COL14A1: variants seen among roughly 807,000 people sequenced by gnomAD.
The protein encoded by COL14A1 is collagen alpha-1(XIV) chain.
In COL14A1, 136 loss-of-function variants were observed where a neutral mutation model predicts 230.3. The ratio of observed to expected loss-of-function variants is 0.59; its 90% CI spans 0.51 to 0.68. COL14A1 has a LOEUF of 0.68. Ranked by LOEUF, COL14A1 falls within the 30% of genes least tolerant of loss-of-function variation. The pLI is 0.00. For missense variants in COL14A1, 1,976 were observed against 2,215.8 expected, an observed-to-expected ratio of 0.89 and a Z score of 2.17; for synonymous variants, 792 against 784.1, an observed-to-expected ratio of 1.01 and a Z score of -0.17.
At chr8:120,253,409 C>G (rs1211723726) in intron 22 of COL14A1, among the ~76,000 whole-genome samples, 1 of 152,114 alleles carries the variant, frequency 6.6e-6, no homozygotes, top group African/African-American at 2.4e-5. Flanking sequence ...TTTCTTCTCT[C>G]CCTTAATAAA....
chr8:120,339,716 A>C (rs940166326), intron 42 of COL14A1, among the ~76,000 whole-genome samples: 39 of 151,962 alleles, frequency 2.6e-4, no homozygotes, highest in African/African-American at 9.4e-4. Flanking sequence ...TATATCCAAC[A>C]CTAAGATTCT....
At chr8:120,180,761 G>T (rs1180134252) in intron 5 of COL14A1, among the ~76,000 whole-genome samples, 6 of 139,496 alleles carry the variant, frequency 4.3e-5, no homozygotes, top group Non-Finnish European at 9.0e-5. Flanking sequence ...AGGCTGGCGT[G>T]CAGTGGCACA....
chr8:120,231,473 A>C lies in COL14A1; in HGVS notation c.2204A>C (p.Gln735Pro). The C allele has an allele frequency of 6.2e-7, 1 of 1,612,366 alleles. No homozygotes were observed. Among genetic ancestry groups the C allele is most frequent in the Non-Finnish European group, 8.5e-7 (1 of 1,179,572 alleles). Residue 735 changes from glutamine to proline, a missense_variant, in exon 19 of 48, where the codon CAG becomes CCG. By Grantham distance (76) the Gln-to-Pro change is moderately conservative (BLOSUM62 -1). Around this residue, in one of 3 missense-constraint regions of COL14A1, gnomAD observed 1,791 missense variants for 2,019.5 expected, o/e 0.89. Coordinates refer to ENST00000297848, the MANE Select transcript of COL14A1 (RefSeq NM_021110.4). ...TTGGTTGTGTTTATTCCAGTTTTCCAGACGGGAATCAGAAACCTAGTTGTA... is the reference window on the plus strand; with the variant it reads ...TTGGTTGTGTTTATTCCAGTTTTCCCGACGGGAATCAGAAACCTAGTTGTA... Reference protein sequence around the residue: ...VPTTSVTSVFQTGIRNLVVGD... With the variant: ...VPTTSVTSVFPTGIRNLVVGD...
Position 120,165,167 on chromosome 8 carries a change from G to A in COL14A1, c.349+2598G>A, listed in dbSNP as rs115273569. ...GAATAAAATGAAAATTGCTTGGATA[G>A]CTTTCTTTTCCCTTTTGCATTTCAT... On this transcript the variant is annotated intron_variant, in intron 4 of 47. Coordinates refer to ENST00000297848, the MANE Select transcript of COL14A1 (RefSeq NM_021110.4). 6.1e-3 allele frequency among the ~76,000 whole-genome samples: 936 copies of A among 152,292 alleles called. 14 individuals carry two copies. The highest frequency in any genetic ancestry group is 0.021 in the African/African-American group (859 of 41,562).
chr8:120,283,955 A>G (rs1428671346), intron 32 of COL14A1, among the ~76,000 whole-genome samples, 177 bp downstream of exon 32: 1 of 152,228 alleles, frequency 6.6e-6, no homozygotes, highest in Non-Finnish European at 1.5e-5. Flanking sequence ...TATTCTTTCA[A>G]CAAATATTTC....
chr8:120,187,192 G>A (rs961177117), intron 5 of COL14A1, among the ~76,000 whole-genome samples: 1 of 151,924 alleles, frequency 6.6e-6, no homozygotes, highest in Non-Finnish European at 1.5e-5. Context: ...ACCATAATTG[G>A]GTCTTTAATT....
chr8:120,137,816 C>A (rs1347175646), intron 1 of COL14A1, among the ~76,000 whole-genome samples: 2 of 150,938 alleles, frequency 1.3e-5, no homozygotes, highest in Non-Finnish European at 3.0e-5. Flanking sequence ...TCTGTGTTGC[C>A]CAGTTGTCTC....
Position 120,222,337 on chromosome 8 carries a change from C to T in COL14A1, c.1738-2751C>T, listed in dbSNP as rs554506526. ...ATCCATATTTTCAATTAACCATTGC[C>T]GTGTAACCAACACTACAGCTTAAAA... On this transcript the variant is annotated intron_variant, in intron 14 of 47. Transcript: ENST00000297848. Among the ~76,000 whole-genome samples the T allele has an allele frequency of 2.6e-4, 39 of 152,300 alleles. No individual in the cohort carries two copies. The South Asian group carries it at 3.7e-3, about 15-fold the overall frequency.
intron 19 of COL14A1, 117 bp from the exon 20 acceptor site, chr8:120,243,762 C>G: frequency 8.1e-7 from 1 of 1,238,302 alleles, no homozygotes. Context: ...TTTCTCCTCA[C>G]TCTCAAAGCA....
intron 33 of COL14A1, among the ~76,000 whole-genome samples, chr8:120,287,801 A>G (rs1820250315): frequency 6.6e-6 from 1 of 152,128 alleles, no homozygotes; most frequent in Non-Finnish European, 1.5e-5. Flanking sequence ...ATGCAAATTC[A>G]ATTTGTAGAA....
At chr8:120,191,931 A>G (rs201784605) in intron 5 of COL14A1, among the ~76,000 whole-genome samples, 2 of 151,848 alleles carry the variant, frequency 1.3e-5, no homozygotes, top group East Asian at 3.9e-4. Flanking sequence ...TTTTGAGCCT[A>G]TGTATGTCTC....
At chr8:120,219,675 A>T (rs1200149109) in intron 14 of COL14A1, among the ~76,000 whole-genome samples, 2 of 152,150 alleles carry the variant, frequency 1.3e-5, no homozygotes, top group African/African-American at 4.8e-5. Context: ...CTTCAGGGGG[A>T]CACAACCTTC....
chr8:120,348,175 A>G (rs1283409768), intron 45 of COL14A1, among the ~76,000 whole-genome samples: 1 of 150,194 alleles, frequency 6.7e-6, no homozygotes, highest in Non-Finnish European at 1.5e-5. Context: ...TGGTGTATAT[A>G]TATATATGAA....
rs75752132 is a variant in COL14A1, at chr8:120,255,776, T to C, written c.2869+420T>C. Among the ~76,000 whole-genome samples, 709 of 149,424 alleles carry C rather than the reference T, an allele frequency of 4.7e-3. 7 individuals are homozygous for C. The highest frequency in any genetic ancestry group is 0.016 in the African/African-American group (631 of 40,508). On this transcript the variant is annotated intron_variant, in intron 23 of 47. Transcript: ENST00000297848. The stretch of plus-strand genomic sequence containing the variant: ...GGATCAAGTTTAAATTTAATGTTTT[T>C]CTTAGTGTTTTTTTTTTTCTTTTGG...
At position 120,197,924 on chromosome 8, in the gene COL14A1, C is replaced by CT. The variant is rs769347722; in HGVS notation, c.707dup (p.Thr237AsnfsTer10). ...CCTCCCATATAAAGGAGGAAATACA[C>CT]TAACAGGTATGTTTTGTTCAATCCA... On this transcript the variant is annotated frameshift_variant, in exon 7 of 48. Coordinates refer to ENST00000297848, the MANE Select transcript of COL14A1 (RefSeq NM_021110.4). LOFTEE classifies it high-confidence loss of function. 1 of 1,613,312 alleles carries CT rather than the reference C, an allele frequency of 6.2e-7. No individual in the cohort carries two copies. Among genetic ancestry groups the CT allele is most frequent in the Non-Finnish European group, 8.5e-7 (1 of 1,179,472 alleles).
At chr8:120,308,171 G>A (rs928505263) in intron 36 of COL14A1, among the ~76,000 whole-genome samples, 6 of 152,134 alleles carry the variant, frequency 3.9e-5, no homozygotes, top group African/African-American at 1.4e-4. Flanking sequence ...TAATAGAGAT[G>A]GGGTTTCACC....
At chr8:120,224,571 A>G (rs939650532) in intron 14 of COL14A1, among the ~76,000 whole-genome samples, 4 of 152,146 alleles carry the variant, frequency 2.6e-5, no homozygotes, top group Non-Finnish European at 4.4e-5. Context: ...TTCATCTTTT[A>G]TATGCCCCAA....
At chr8:120,356,077 C>G (rs1170909644) in intron 45 of COL14A1, among the ~76,000 whole-genome samples, 1 of 152,106 alleles carries the variant, frequency 6.6e-6, no homozygotes, top group Non-Finnish European at 1.5e-5. Flanking sequence ...TGAAAGATTG[C>G]TGAGGGTACA....
chr8:120,248,908 T>C (rs1818844094), intron 21 of COL14A1, among the ~76,000 whole-genome samples: 1 of 142,452 alleles, frequency 7.0e-6, no homozygotes, highest in Non-Finnish European at 1.5e-5. Flanking sequence ...TCCATTAGTT[T>C]CAATCTTTCT....
Sources: allele counts gnomAD v4.1 joint callset (sites outside exome capture counted in the v4.1 genomes callset), GRCh38; gene constraint gnomAD v4.1.1; regional missense constraint gnomAD v4.1.1; transcripts MANE v1.5; gene names NCBI Gene and HGNC (gene_info 2026-07-23, HGNC 2026-07-21).